The following ATRX variants were observed in gnomAD, a reference collection of about 807,000 sequenced individuals.
ATRX encodes the protein chromatin remodeler ATRX.
In ATRX, 12 loss-of-function variants were observed where a neutral mutation model predicts 172.6. The ratio of observed to expected loss-of-function variants is 0.07; its 90% CI spans 0.04 to 0.11. ATRX has a LOEUF of 0.11. Among genes scored for constraint, ATRX ranks in the 10% least tolerant of loss-of-function variants. ATRX has a pLI of 1.00. For missense variants in ATRX, 1,368 were observed against 1,767.4 expected (o/e 0.77, Z 4.05); for synonymous variants, 674 against 594.7 (o/e 1.13, Z -1.94).
chrX:77,721,360 T>G (rs1226056385), intron 1 of ATRX, among the ~76,000 whole-genome samples: 1 of 111,453 alleles, frequency 9.0e-6, no homozygotes, highest in African/African-American at 3.3e-5. Flanking sequence ...TAAAGGGTAT[T>G]CAATCCGGAA....
intron 34 of ATRX, among the ~76,000 whole-genome samples, chrX:77,514,901 T>TA (rs1329834130): frequency 9.0e-6 from 1 of 111,473 alleles, no homozygotes; most frequent in Non-Finnish European, 1.9e-5. Flanking sequence ...ATAAGGAACT[T>TA]AAAGAAATAT....
intron 34 of ATRX, among the ~76,000 whole-genome samples, chrX:77,516,072 C>T (rs1557038979): frequency 1.8e-5 from 2 of 111,100 alleles, no homozygotes; most frequent in African/African-American, 6.6e-5. Flanking sequence ...TGGGGCTGAC[C>T]AGAGGTTGGA....
intron 1 of ATRX, among the ~76,000 whole-genome samples, chrX:77,765,968 A>C (rs1466596306): frequency 9.0e-6 from 1 of 110,590 alleles, no homozygotes; most frequent in Non-Finnish European, 1.9e-5. Context: ...TTTAACCCTG[A>C]GTGGACACAG....
intron 10 of ATRX, among the ~76,000 whole-genome samples, chrX:77,673,630 C>T (rs2070732415): frequency 9.0e-6 from 1 of 110,609 alleles, no homozygotes; most frequent in South Asian, 3.7e-4. Context: ...ATATGAGTGA[C>T]GCTACATAAT....
At position 77,683,288 on chromosome X, in the gene ATRX, G is replaced by C. The variant is rs2148610400; in HGVS notation, c.1968C>G (p.Ser656=). Residue 656 remains serine (S), a synonymous_variant, in exon 9 of 35, where the codon TCC becomes TCG. Coordinates refer to ENST00000373344, the MANE Select transcript of ATRX (RefSeq NM_000489.6). The part of the protein sequence containing the change: ...LLLEESDLRR[S]PRVKTTPLRR... ...TCAAGGGTGTAGTCTTTACACGTGGGGATCTTCGAAGATCAGATTCCTCTA... is the reference window on the plus strand; with the variant it reads ...TCAAGGGTGTAGTCTTTACACGTGGCGATCTTCGAAGATCAGATTCCTCTA... 1 of 1,209,741 alleles carries C rather than the reference G, an allele frequency of 8.3e-7. No homozygotes were observed. The highest frequency in any genetic ancestry group is 2.2e-5 in the Admixed American group (1 of 45,930).
At chrX:77,615,968 G>C (rs984470548) in intron 22 of ATRX, 1 of 751,198 alleles carries the variant, frequency 1.3e-6, no homozygotes, top group Admixed American at 9.0e-5. Flanking sequence ...CAAAGATTAG[G>C]TTTTGTTGTG....
chrX:77,565,169 G>T (rs1228594781), intron 28 of ATRX, among the ~76,000 whole-genome samples: 1 of 111,919 alleles, frequency 8.9e-6, no homozygotes, highest in African/African-American at 3.2e-5. Flanking sequence ...CCCAGCCAAG[G>T]TAATACCAGT....
intron 30 of ATRX, among the ~76,000 whole-genome samples, chrX:77,539,774 T>A (rs1557049922): frequency 5.4e-5 from 6 of 111,652 alleles, no homozygotes; most frequent in African/African-American, 1.6e-4. Flanking sequence ...GCTGAGAGAT[T>A]TTGTCACCAC....
chrX:77,646,278 C>A (rs2068907749), intron 15 of ATRX, among the ~76,000 whole-genome samples: 1 of 111,308 alleles, frequency 9.0e-6, no homozygotes, highest in African/African-American at 3.3e-5. Context: ...AAAAGACATT[C>A]CATGCAAATA....
intron 34 of ATRX, among the ~76,000 whole-genome samples, chrX:77,517,693 C>A (rs1557039617): frequency 9.0e-6 from 1 of 111,691 alleles, no homozygotes; most frequent in African/African-American, 3.3e-5. Context: ...CACCTTAATA[C>A]CAAAACCAGA....
intron 26 of ATRX, among the ~76,000 whole-genome samples, chrX:77,591,529 C>G (rs1048170997): frequency 3.7e-4 from 42 of 112,030 alleles, no homozygotes; most frequent in African/African-American, 1.4e-3. Context: ...TTTAGTAGAA[C>G]TGAAAACAAT....
In ATRX at chrX:77,732,883, G is replaced by C. The variant is rs782514835; in HGVS notation, c.21-15640C>G. The stretch of plus-strand genomic sequence containing the variant: ...ATCACGACAAGAATGCCCACTTCCA[G>C]CAGTTACTCAACATGGTACTACTGG... On this transcript the variant is annotated intron_variant, in intron 1 of 34. Transcript: ENST00000373344. Among the ~76,000 whole-genome samples, 16 of 111,189 alleles carry C rather than the reference G, an allele frequency of 1.4e-4. No individual in the cohort carries two copies. In the South Asian group the frequency reaches 6.1e-3, roughly 43 times the overall value.
chrX:77,745,836 C>G (rs2075050317), intron 1 of ATRX, among the ~76,000 whole-genome samples: 1 of 110,966 alleles, frequency 9.0e-6, no homozygotes, highest in Non-Finnish European at 1.9e-5. Context: ...TGGATACAAC[C>G]CTGATGTAGT....
intron 1 of ATRX, among the ~76,000 whole-genome samples, chrX:77,724,964 GA>G (rs2148787550): frequency 9.0e-6 from 1 of 111,669 alleles, no homozygotes; most frequent in South Asian, 3.7e-4. Flanking sequence ...TTTATATATT[GA>G]AAAATATTTT....
At chrX:77,769,580 C>T (rs2076090840) in intron 1 of ATRX, among the ~76,000 whole-genome samples, 1 of 111,448 alleles carries the variant, frequency 9.0e-6, no homozygotes, top group Non-Finnish European at 1.9e-5. Flanking sequence ...GCCACCGTGC[C>T]CAGCCCAAAA....
At chrX:77,737,848 G>A (rs891238338) in intron 1 of ATRX, among the ~76,000 whole-genome samples, 1 of 111,078 alleles carries the variant, frequency 9.0e-6, no homozygotes, top group Admixed American at 9.7e-5. Flanking sequence ...CACTTAAAAA[G>A]CATCTCTTAG....
At chrX:77,758,674 C>A (rs2075604071) in intron 1 of ATRX, among the ~76,000 whole-genome samples, 1 of 110,311 alleles carries the variant, frequency 9.1e-6, no homozygotes, top group African/African-American at 3.3e-5. Context: ...AGGAGCATCA[C>A]TTGAACCCAG....
In ATRX at chrX:77,599,806, T is replaced by G. The variant is rs781863111; in HGVS notation, c.5712A>C (p.Glu1904Asp). The G allele has an allele frequency of 8.3e-7, 1 of 1,200,637 alleles. No homozygotes were observed. The highest frequency in any genetic ancestry group is 1.1e-6 in the Non-Finnish European group (1 of 887,587). ...AGGCTATAAATTCATCCATACTGTC[T>G]TCATCAAAATAACCCTAGAGAAAAA... The part of the protein sequence containing the change: ...ISKENKGYFD[E>D]DSMDEFIASD... Residue 1904 changes from glutamate (E) to aspartate (D), a missense_variant, in exon 24 of 35, where the codon GAA becomes GAC. Transcript: ENST00000373344.
chrX:77,560,055 TGTAA>T (rs1332570888), intron 28 of ATRX, among the ~76,000 whole-genome samples: 9 of 111,706 alleles, frequency 8.1e-5, no homozygotes, highest in African/African-American at 2.6e-4. Context: ...AAAGGATGTA[TGTAA>T]GTAAGTAAGA....
Sources: allele counts gnomAD v4.1 joint callset (sites outside exome capture counted in the v4.1 genomes callset), GRCh38; gene constraint gnomAD v4.1.1; transcripts MANE v1.5; gene names NCBI Gene and HGNC (gene_info 2026-07-23, HGNC 2026-07-21).